The following KCNH7 variants were observed in gnomAD, a reference collection of about 807,000 sequenced individuals.
The protein encoded by KCNH7 is potassium voltage-gated channel subfamily H member 7.
KCNH7 carries 49 observed loss-of-function variants against 120.8 expected under a neutral mutation model. That is an observed-to-expected ratio of 0.41 (90% CI 0.32 to 0.51). The LOEUF is 0.51. Ranked by LOEUF, KCNH7 falls within the 20% of genes least tolerant of loss-of-function variation. The pLI, the probability that KCNH7 is intolerant of heterozygous loss-of-function variation, is 0.38. For synonymous variants in KCNH7, 547 were observed against 516.1 expected, an observed-to-expected ratio of 1.06 and a Z score of -0.81; for missense variants, 1,097 against 1,446.6, an observed-to-expected ratio of 0.76 and a Z score of 3.92.
At chr2:162,529,870 A>T (rs1691855384) in intron 3 of KCNH7, among the ~76,000 whole-genome samples, 2 of 151,860 alleles carry the variant, frequency 1.3e-5, no homozygotes, top group South Asian at 4.1e-4. Flanking sequence ...GTTCAATTTC[A>T]TCTTTTATTT....
chr2:162,427,415 A>C (rs1687902527), intron 8 of KCNH7, among the ~76,000 whole-genome samples: 1 of 152,088 alleles, frequency 6.6e-6, no homozygotes, highest in African/African-American at 2.4e-5. Flanking sequence ...TAGTGTGTAC[A>C]TGTAATATCT....
intron 4 of KCNH7, among the ~76,000 whole-genome samples, chr2:162,516,674 T>C (rs1397636655): frequency 6.6e-6 from 1 of 151,734 alleles, no homozygotes; most frequent in Non-Finnish European, 1.5e-5. Context: ...GCGGGTCTGA[T>C]GTACCCATGC....
chr2:162,672,020 C>T (rs983544891), intron 2 of KCNH7, among the ~76,000 whole-genome samples: 10 of 152,040 alleles, frequency 6.6e-5, no homozygotes, highest in South Asian at 2.1e-4. Context: ...TAACTAATGA[C>T]GTGTAACTAA....
chr2:162,478,396 C>T (rs1360645880), intron 6 of KCNH7, among the ~76,000 whole-genome samples: 3 of 152,200 alleles, frequency 2.0e-5, no homozygotes, highest in African/African-American at 7.2e-5. Context: ...CCATGTATTA[C>T]CTCAGTGATG....
intron 7 of KCNH7, 118 bp downstream of exon 7, chr2:162,445,900 T>A (rs1558949102): frequency 1.3e-6 from 1 of 782,300 alleles, no homozygotes; most frequent in East Asian, 2.7e-5. Context: ...CAATTGAAAA[T>A]GAATTTTATC....
chr2:162,606,345 T>A (rs1682771592), intron 2 of KCNH7, among the ~76,000 whole-genome samples: 1 of 152,096 alleles, frequency 6.6e-6, no homozygotes, highest in Non-Finnish European at 1.5e-5. Flanking sequence ...AATTCAGAAG[T>A]CAAAGCCAAA....
intron 2 of KCNH7, among the ~76,000 whole-genome samples, chr2:162,676,718 T>A (rs1011372773): frequency 1.3e-5 from 2 of 151,472 alleles, no homozygotes; most frequent in Non-Finnish European, 3.0e-5. Flanking sequence ...AGAGCTCCAA[T>A]AGTTACTACA....
chr2:162,434,730 C>T (rs777662033), intron 8 of KCNH7, among the ~76,000 whole-genome samples: 1 of 151,424 alleles, frequency 6.6e-6, no homozygotes, highest in Non-Finnish European at 1.5e-5. Context: ...TATACACATA[C>T]ATACATATGT....
At chr2:162,622,960 C>A (rs190818939) in intron 2 of KCNH7, among the ~76,000 whole-genome samples, 46 of 152,134 alleles carry the variant, frequency 3.0e-4, no homozygotes, top group African/African-American at 1.1e-3. Flanking sequence ...TTTCATATTT[C>A]TATTCTATGA....
intron 2 of KCNH7, among the ~76,000 whole-genome samples, chr2:162,546,828 T>G (rs1158270250): frequency 6.6e-6 from 1 of 151,696 alleles, no homozygotes; most frequent in Non-Finnish European, 1.5e-5. Flanking sequence ...GTTACAAACA[T>G]GACTAAAAAC....
chr2:162,525,988 C>T (rs1009466225), intron 3 of KCNH7, among the ~76,000 whole-genome samples: 1 of 151,878 alleles, frequency 6.6e-6, no homozygotes, highest in Non-Finnish European at 1.5e-5. Flanking sequence ...GTGAAATTCA[C>T]CCCCAATATT....
At chr2:162,524,056 G>T (rs1404519449) in intron 3 of KCNH7, among the ~76,000 whole-genome samples, 1 of 151,906 alleles carries the variant, frequency 6.6e-6, no homozygotes, top group Non-Finnish European at 1.5e-5. Context: ...CCCTCACAAA[G>T]GGTTGGGGTG....
At chr2:162,609,456 T>C (rs1682887336) in intron 2 of KCNH7, among the ~76,000 whole-genome samples, 1 of 152,126 alleles carries the variant, frequency 6.6e-6, no homozygotes, top group Non-Finnish European at 1.5e-5. Flanking sequence ...TTTAAGGGAC[T>C]GTATTGGATT....
chr2:162,771,919 C>T (rs1371178948), intron 2 of KCNH7: 1 of 152,172 alleles, frequency 6.6e-6, no homozygotes, highest in East Asian at 1.9e-4. Context: ...CAATCCCTTT[C>T]TCTTTCTCAA....
chr2:162,434,031 T>G (rs766039969), intron 8 of KCNH7, among the ~76,000 whole-genome samples: 3 of 152,002 alleles, frequency 2.0e-5, no homozygotes, highest in African/African-American at 4.8e-5. Flanking sequence ...ATATACAATA[T>G]GGACTACTAT....
intron 9 of KCNH7, among the ~76,000 whole-genome samples, chr2:162,422,653 T>C (rs952175662): frequency 6.6e-6 from 1 of 152,080 alleles, no homozygotes; most frequent in Non-Finnish European, 1.5e-5. Flanking sequence ...GTGTTGATTT[T>C]TGAGCAGTGA....
intron 2 of KCNH7, among the ~76,000 whole-genome samples, chr2:162,640,643 C>T (rs1398601943): frequency 6.6e-6 from 1 of 151,896 alleles, no homozygotes; most frequent in Non-Finnish European, 1.5e-5. Context: ...CTAGAATAGG[C>T]AATAATTCTT....
intron 4 of KCNH7, among the ~76,000 whole-genome samples, chr2:162,516,841 G>C (rs1003854275): frequency 6.6e-6 from 1 of 151,666 alleles, no homozygotes; most frequent in African/African-American, 2.4e-5. Context: ...GTTTGAAGCC[G>C]GGCTCTGACA....
chr2:162,378,043 AT>A (rs1421339737), intron 14 of KCNH7, among the ~76,000 whole-genome samples: 4 of 152,178 alleles, frequency 2.6e-5, no homozygotes, highest in African/African-American at 9.7e-5. Flanking sequence ...AAAAATCTCA[AT>A]TTTAGTTCTG....
Sources: gnomAD v4.1 joint callset for allele counts (sites outside exome capture counted in the v4.1 genomes callset) on GRCh38, gnomAD v4.1.1 for gene constraint, MANE v1.5 for transcripts, NCBI Gene and HGNC (gene_info 2026-07-23, HGNC 2026-07-21) for gene names.